The following LRRTM3 variants were observed in gnomAD, a reference collection of about 807,000 sequenced individuals.
LRRTM3 encodes leucine-rich repeat transmembrane neuronal protein 3.
A neutral mutation model predicts 44.7 loss-of-function variants in LRRTM3; 24 were observed. That is an observed-to-expected ratio of 0.54 (90% CI 0.39 to 0.76). LRRTM3 has a LOEUF of 0.76. LRRTM3 is among the 30% of genes least tolerant of loss of function. The pLI is 0.00. For synonymous variants in LRRTM3, 277 were observed against 278.7 expected (o/e 0.99, Z 0.06); for missense variants, 587 against 702.2 (o/e 0.84, Z 1.85).
intron 2 of LRRTM3, among the ~76,000 whole-genome samples, chr10:67,057,361 A>G (rs1162339336): frequency 1.3e-5 from 2 of 152,090 alleles, no homozygotes; most frequent in Admixed American, 1.3e-4. Flanking sequence ...CATGCTGTGC[A>G]TGGTCTTCAG....
At position 66,926,261 on chromosome 10, in the gene LRRTM3, G is replaced by GT. The variant is rs754590989; in HGVS notation, c.-313dup. 6,513 of 391,734 alleles carry GT rather than the reference G, an allele frequency of 0.017. No individual in the cohort carries two copies. Among genetic ancestry groups the GT allele is most frequent in the South Asian group, 0.037 (1,221 of 33,346 alleles). 24.3% of individuals were successfully genotyped at this position (391,734 alleles called of 1,614,324 possible). A position where few individuals can be genotyped will look rare whatever the true frequency, so the allele number is the denominator to read the frequency against. Reference sequence around the variant, plus strand: ...CGATAAGAAGAAATTGTAGGATCCAGTTTTTTTTTTAACCGCCCCCTCCCC... The same window carrying GT: ...CGATAAGAAGAAATTGTAGGATCCAGTTTTTTTTTTTAACCGCCCCCTCCCC... On this transcript the variant is annotated 5_prime_UTR_variant, in exon 1 of 3. Transcript: ENST00000361320.
chr10:67,097,721 C>T lies in LRRTM3; in HGVS notation c.1671C>T (p.His557=), dbSNP rs868309511. 1.2e-6 allele frequency: 2 copies of T among 1,612,650 alleles called. No homozygotes were observed. The highest frequency in any genetic ancestry group is 1.7e-5 in the Admixed American group (1 of 59,842). ...CACAGGAAGATACGATGGAAACACA[C>T]CTAGAGACTGAGCTGGACCTGAGCA... is the stretch of plus-strand genomic sequence containing the variant. The part of the protein sequence containing the change: ...TNAQEDTMET[H]LETELDLSTI... The change falls in exon 3 of 3, where the codon CAC becomes CAT. Residue 557 remains histidine (H), a synonymous_variant. Transcript: ENST00000361320.
chr10:66,979,801 T>A (rs1002080775), intron 2 of LRRTM3, among the ~76,000 whole-genome samples: 1 of 152,180 alleles, frequency 6.6e-6, no homozygotes, highest in Admixed American at 6.5e-5. Context: ...AAAATTTTAT[T>A]CTATGGAGAA....
intron 2 of LRRTM3, among the ~76,000 whole-genome samples, chr10:66,984,209 A>G (rs1368100801): frequency 6.6e-6 from 1 of 152,210 alleles, no homozygotes; most frequent in African/African-American, 2.4e-5. Flanking sequence ...AAATATTTCA[A>G]CGAATGATGA....
intron 2 of LRRTM3, among the ~76,000 whole-genome samples, chr10:66,983,573 T>C (rs998301540): frequency 6.6e-6 from 1 of 152,172 alleles, no homozygotes; most frequent in African/African-American, 2.4e-5. Context: ...GGAGTTTTTA[T>C]TGAGCTATTT....
chr10:66,953,600 A>G (rs1047231049), intron 2 of LRRTM3, among the ~76,000 whole-genome samples: 1 of 152,128 alleles, frequency 6.6e-6, no homozygotes, highest in African/African-American at 2.4e-5. Flanking sequence ...TAAGATAGCT[A>G]TAAACTTCAA....
intron 1 of LRRTM3, 42 bp from the exon 2 acceptor site, chr10:66,926,878 CT>C (rs1358236514): frequency 6.6e-7 from 1 of 1,505,486 alleles, no homozygotes; most frequent in East Asian, 2.3e-5. Context: ...AGGATTAATT[CT>C]TTTTTGGGGG....
chr10:66,989,671 T>C (rs1232208101), intron 2 of LRRTM3, among the ~76,000 whole-genome samples: 1 of 152,134 alleles, frequency 6.6e-6, no homozygotes, highest in Non-Finnish European at 1.5e-5. Context: ...CGTAACAGTC[T>C]TTACATAATA....
intron 2 of LRRTM3, among the ~76,000 whole-genome samples, chr10:67,040,738 G>GA (rs528601075): frequency 1.3e-3 from 197 of 152,052 alleles, no homozygotes; most frequent in African/African-American, 4.6e-3. Flanking sequence ...AAGATGTCAG[G>GA]AAAAAATGCA....
chr10:67,091,136 G>A (rs1415372533), intron 2 of LRRTM3, among the ~76,000 whole-genome samples: 5 of 152,028 alleles, frequency 3.3e-5, no homozygotes, highest in South Asian at 2.1e-4. Flanking sequence ...CAAAATAAAC[G>A]TTGCTAGCCA....
At position 67,031,428 on chromosome 10, in the gene LRRTM3, T is replaced by C. The variant is rs560142038; in HGVS notation, c.1537-66159T>C. Reference sequence around the variant, plus strand: ...CTACATTATCCCTTTCTACTATACATTGTGCTTATCACTAATGTATTGAAT... The same window carrying C: ...CTACATTATCCCTTTCTACTATACACTGTGCTTATCACTAATGTATTGAAT... On this transcript the variant is annotated intron_variant, in intron 2 of 2. Coordinates refer to ENST00000361320, the MANE Select transcript of LRRTM3 (RefSeq NM_178011.5). Among the ~76,000 whole-genome samples, 547 of 152,342 alleles carry C rather than the reference T, an allele frequency of 3.6e-3. 1 individual carries two copies. Among genetic ancestry groups the C allele is most frequent in the African/African-American group, 0.012 (512 of 41,588 alleles).
intron 2 of LRRTM3, among the ~76,000 whole-genome samples, chr10:67,080,496 T>G (rs1025684915): frequency 2.0e-5 from 3 of 152,122 alleles, no homozygotes; most frequent in Non-Finnish European, 4.4e-5. Flanking sequence ...GACATGAGAT[T>G]TTTTTTTCTC....
chr10:67,006,508 T>C (rs927184524), intron 2 of LRRTM3, among the ~76,000 whole-genome samples: 5 of 145,318 alleles, frequency 3.4e-5, no homozygotes, highest in African/African-American at 1.3e-4. Context: ...AACTTAGCTT[T>C]TTCCTGGGAC....
At chr10:67,045,218 G>C (rs1854652204) in intron 2 of LRRTM3, among the ~76,000 whole-genome samples, 1 of 152,074 alleles carries the variant, frequency 6.6e-6, no homozygotes, top group African/African-American at 2.4e-5. Context: ...TAGTTCTTGA[G>C]ATTACTCTAC....
chr10:67,039,824 G>T (rs1854284236), intron 2 of LRRTM3, among the ~76,000 whole-genome samples: 1 of 152,076 alleles, frequency 6.6e-6, no homozygotes, highest in Non-Finnish European at 1.5e-5. Flanking sequence ...GATAATTATT[G>T]ATTGCTATGT....
intron 2 of LRRTM3, among the ~76,000 whole-genome samples, chr10:66,965,352 T>C (rs894460542): frequency 1.3e-5 from 2 of 152,024 alleles, no homozygotes; most frequent in Admixed American, 6.6e-5. Flanking sequence ...TTGGCCAACA[T>C]GGTGAAACCC....
intron 2 of LRRTM3, among the ~76,000 whole-genome samples, chr10:66,962,440 T>C (rs1162522418): frequency 6.6e-6 from 1 of 151,406 alleles, no homozygotes. Flanking sequence ...AGACAGAGTC[T>C]CACTCTGTCG....
At chr10:67,064,210 A>G (rs1855930853) in intron 2 of LRRTM3, among the ~76,000 whole-genome samples, 2 of 152,164 alleles carry the variant, frequency 1.3e-5, no homozygotes, top group South Asian at 4.1e-4. Context: ...TTAAAATTCC[A>G]CATATTTCAA....
intron 2 of LRRTM3, among the ~76,000 whole-genome samples, chr10:66,974,079 G>T (rs980338519): frequency 6.6e-6 from 1 of 152,100 alleles, no homozygotes; most frequent in Non-Finnish European, 1.5e-5. Flanking sequence ...GTTGCCCTGA[G>T]TCTCTCTGTA....
Sources: allele counts gnomAD v4.1 joint callset (sites outside exome capture counted in the v4.1 genomes callset), GRCh38; gene constraint gnomAD v4.1.1; transcripts MANE v1.5; gene names NCBI Gene and HGNC (gene_info 2026-07-23, HGNC 2026-07-21).